Variants in PCDHA4 observed in about 807,000 individuals in gnomAD.
PCDHA4 encodes protocadherin alpha 4.
PCDHA4 carries 49 observed loss-of-function variants against 61.4 expected under a neutral mutation model. That is an observed-to-expected ratio of 0.80 (90% CI 0.63 to 1.01). The LOEUF is 1.01. Among genes scored for constraint, PCDHA4 ranks in the 50% least tolerant of loss-of-function variants. The pLI is 0.00. For missense variants in PCDHA4, 1,254 were observed against 1,235.8 expected (o/e 1.01, Z -0.22); for synonymous variants, 590 against 550.3 (o/e 1.07, Z -1.01).
At chr5:140,895,036 A>T (rs1207978693) in intron 1 of PCDHA4, among the ~76,000 whole-genome samples, 1 of 151,998 alleles carries the variant, frequency 6.6e-6, no homozygotes, top group Non-Finnish European at 1.5e-5. Flanking sequence ...ATTGTCCCCC[A>T]CCCACACCAT....
intron 1 of PCDHA4, among the ~76,000 whole-genome samples, chr5:140,826,214 C>T (rs186119066): frequency 6.6e-6 from 1 of 152,250 alleles, no homozygotes; most frequent in African/African-American, 2.4e-5. Flanking sequence ...TTTAAAAAAT[C>T]AAGTTTTGTG....
At chr5:140,870,325 C>G in intron 1 of PCDHA4, 1 of 1,614,198 alleles carries the variant, frequency 6.2e-7, no homozygotes. Flanking sequence ...CTCGTTGGTG[C>G]TGGACAGCGC....
At chr5:140,877,812 A>AGT (rs1199623134) in intron 1 of PCDHA4, 1 of 1,610,228 alleles carries the variant, frequency 6.2e-7, no homozygotes, top group East Asian at 2.2e-5. Context: ...AGCTGTCTCG[A>AGT]GAAGATTGTT....
intron 1 of PCDHA4, among the ~76,000 whole-genome samples, chr5:140,893,814 T>C (rs1254433414): frequency 6.6e-6 from 1 of 152,204 alleles, no homozygotes; most frequent in Non-Finnish European, 1.5e-5. Flanking sequence ...TTGAGTCTGG[T>C]ACCGTAGACT....
chr5:140,899,995 A>G (rs1449060467), intron 1 of PCDHA4, among the ~76,000 whole-genome samples: 1 of 151,872 alleles, frequency 6.6e-6, no homozygotes, highest in Non-Finnish European at 1.5e-5. Context: ...TTTTTTGTAG[A>G]GATGAGGTCT....
intron 1 of PCDHA4, among the ~76,000 whole-genome samples, chr5:140,964,846 C>G (rs1292135709): frequency 2.0e-5 from 3 of 152,180 alleles, no homozygotes; most frequent in Non-Finnish European, 2.9e-5. Context: ...TACTCTGTAC[C>G]CTTGAGGAAA....
chr5:140,918,282 C>G (rs2078612020), intron 1 of PCDHA4, among the ~76,000 whole-genome samples: 1 of 152,016 alleles, frequency 6.6e-6, no homozygotes, highest in Non-Finnish European at 1.5e-5. Flanking sequence ...GATGTAGGAG[C>G]TTTTTGGCAG....
intron 1 of PCDHA4, among the ~76,000 whole-genome samples, chr5:140,903,753 A>ACTTGATGACCCATAGTCAAATGTTCAG (rs2070561730): frequency 2.0e-5 from 3 of 152,186 alleles, no homozygotes; most frequent in Non-Finnish European, 4.4e-5. Flanking sequence ...GTTTCCCTTG[A>ACTTGATGACCCATAGTCAAATGTTCAG]TTTTTGCTGA....
chr5:140,963,811 G>A (rs2153736544), intron 1 of PCDHA4, among the ~76,000 whole-genome samples: 1 of 152,288 alleles, frequency 6.6e-6, no homozygotes, highest in Middle Eastern at 3.4e-3. Context: ...TAGTCACTGT[G>A]CAAATTGCTT....
chr5:141,000,765 G>T (rs1554257794), intron 3 of PCDHA4, among the ~76,000 whole-genome samples: 9 of 151,816 alleles, frequency 5.9e-5, no homozygotes, highest in Non-Finnish European at 2.9e-5. Context: ...ATCTTAGCCA[G>T]GCATAGTGGC....
In PCDHA4 at chr5:141,012,190, T is replaced by C. The variant is rs1002658582; in HGVS notation, c.*2253T>C. On this transcript the variant is annotated 3_prime_UTR_variant, in exon 4 of 4. Transcript: ENST00000530339. ...TTAATGATGATAATTATAATGTATCTGTACAGCACTTTTTACATTTGCGAA... is the reference window on the plus strand; with the variant it reads ...TTAATGATGATAATTATAATGTATCCGTACAGCACTTTTTACATTTGCGAA... The C allele has an allele frequency of 2.0e-5, 3 of 153,780 alleles. No homozygotes were observed. Among genetic ancestry groups the C allele is most frequent in the African/African-American group, 7.2e-5 (3 of 41,458 alleles). 9.5% of individuals were successfully genotyped at this position (153,780 alleles called of 1,614,324 possible).
intron 1 of PCDHA4, chr5:140,842,322 G>T (rs1349163820): frequency 6.2e-7 from 1 of 1,607,612 alleles, no homozygotes. Flanking sequence ...GCGGGTCATT[G>T]CACCGTTTTA....
At chr5:140,813,888 A>G (rs1342935380) in intron 1 of PCDHA4, 1 of 152,312 alleles carries the variant, frequency 6.6e-6, no homozygotes, top group Non-Finnish European at 1.5e-5. Context: ...AGTTCCAGCT[A>G]CTCAGGAGGC....
At chr5:140,927,226 A>T in intron 1 of PCDHA4, 5 of 1,613,996 alleles carry the variant, frequency 3.1e-6, no homozygotes, top group Non-Finnish European at 4.2e-6. Context: ...CAAGATTCGG[A>T]TTCACGTCCT....
intron 3 of PCDHA4, among the ~76,000 whole-genome samples, chr5:140,989,704 A>G (rs1011656518): frequency 9.2e-5 from 14 of 152,202 alleles, no homozygotes; most frequent in Admixed American, 9.2e-4. Context: ...TTTTATCTTC[A>G]GAGGCAGTCA....
intron 1 of PCDHA4, among the ~76,000 whole-genome samples, chr5:140,845,914 T>C (rs1554141062): frequency 1.3e-5 from 2 of 149,758 alleles, no homozygotes; most frequent in African/African-American, 2.4e-5. Context: ...ATATTAATCT[T>C]ATTTTTGTGT....
intron 3 of PCDHA4, among the ~76,000 whole-genome samples, chr5:141,002,620 A>G (rs553505520): frequency 6.8e-4 from 104 of 152,336 alleles, no homozygotes; most frequent in African/African-American, 2.4e-3. Flanking sequence ...CACATAACAC[A>G]GACAGAGATA....
chr5:140,984,644 C>T (rs969349039), intron 3 of PCDHA4, among the ~76,000 whole-genome samples: 20 of 152,136 alleles, frequency 1.3e-4, no homozygotes, highest in African/African-American at 4.3e-4. Context: ...CTGCCTTCTC[C>T]CTGTCCTTCT....
At chr5:140,884,066 G>C in intron 1 of PCDHA4, 3 of 1,613,514 alleles carry the variant, frequency 1.9e-6, no homozygotes, top group Non-Finnish European at 2.5e-6. Flanking sequence ...GGTGGACGCC[G>C]ATTCGGGCTA....
Sources: allele counts gnomAD v4.1 joint callset (sites outside exome capture counted in the v4.1 genomes callset), GRCh38; gene constraint gnomAD v4.1.1; transcripts MANE v1.5; gene names NCBI Gene and HGNC (gene_info 2026-07-23, HGNC 2026-07-21).